The following GALNT13 variants were observed in gnomAD, a reference collection of about 807,000 sequenced individuals.
The protein encoded by GALNT13 is polypeptide N-acetylgalactosaminyltransferase 13.
A neutral mutation model predicts 64.2 loss-of-function variants in GALNT13; 28 were observed. The observed-to-expected ratio is 0.44, with a 90% CI of 0.32 to 0.60. The LOEUF (loss-of-function observed/expected upper bound fraction) is 0.60, where lower values mean the gene tolerates loss of function less well. GALNT13 is among the 20% of genes least tolerant of loss of function. The pLI is 0.05. For missense variants in GALNT13, 577 were observed against 669.8 expected (o/e 0.86, Z 1.53); for synonymous variants, 214 against 224.6 (o/e 0.95, Z 0.42).
intron 3 of GALNT13, among the ~76,000 whole-genome samples, chr2:153,959,867 T>C (rs1034680091): frequency 2.0e-5 from 3 of 152,108 alleles, no homozygotes; most frequent in Admixed American, 6.5e-5. Flanking sequence ...GGGAGAGGCC[T>C]GTACAGGCAG....
At chr2:153,980,245 G>A (rs1694370581) in intron 3 of GALNT13, among the ~76,000 whole-genome samples, 2 of 152,160 alleles carry the variant, frequency 1.3e-5, no homozygotes, top group South Asian at 4.1e-4. Flanking sequence ...TCTAAAAGCA[G>A]TGGAGCACCA....
chr2:153,958,465 TTGG>T (rs1463393180), intron 3 of GALNT13, among the ~76,000 whole-genome samples: 1 of 152,202 alleles, frequency 6.6e-6, no homozygotes, highest in Non-Finnish European at 1.5e-5. Context: ...GCCAAATGTG[TTGG>T]TTTGCCACTT....
the GALNT13 span, among the ~76,000 whole-genome samples, chr2:153,713,161 A>G: frequency 6.6e-6 from 1 of 152,214 alleles, no homozygotes; most frequent in Non-Finnish European, 1.5e-5. Context: ...ATTAGCTGGT[A>G]TAGTAATATT....
chr2:154,189,464 G>T (rs1308695502), intron 4 of GALNT13, among the ~76,000 whole-genome samples: 1 of 120,530 alleles, frequency 8.3e-6, no homozygotes, highest in Admixed American at 9.6e-5. Context: ...CTCTTCTCAC[G>T]TGCACACCAA....
intron 1 of GALNT13, among the ~76,000 whole-genome samples, chr2:153,889,170 G>A (rs937750188): frequency 4.6e-5 from 7 of 151,658 alleles, no homozygotes; most frequent in African/African-American, 1.7e-4. Flanking sequence ...TCTTGGCCTT[G>A]GACACCACTA....
At chr2:153,630,808 T>TATATTTATTTA in the GALNT13 span, among the ~76,000 whole-genome samples, 99 of 16,876 alleles carry the variant, frequency 5.9e-3, no homozygotes, top group Non-Finnish European at 7.8e-3. Flanking sequence ...TATATATATA[T>TATATTTATTTA]TTTTTTTTTT....
chr2:153,600,268 CA>C, the GALNT13 span, among the ~76,000 whole-genome samples: 1 of 151,700 alleles, frequency 6.6e-6, no homozygotes. Flanking sequence ...TCATGCTATC[CA>C]AAAATGGTAT....
chr2:153,647,803 C>A, the GALNT13 span, among the ~76,000 whole-genome samples: 4 of 152,154 alleles, frequency 2.6e-5, no homozygotes, highest in African/African-American at 7.2e-5. Context: ...TCTGAGGGCT[C>A]TGTTCTGTTC....
At chr2:153,775,759 ACAT>A in the GALNT13 span, among the ~76,000 whole-genome samples, 1 of 152,284 alleles carries the variant, frequency 6.6e-6, no homozygotes, top group African/African-American at 2.4e-5. Flanking sequence ...AGCAAGAATC[ACAT>A]CATCTTTCTA....
chr2:153,434,833 A>G, the GALNT13 span, among the ~76,000 whole-genome samples: 5 of 152,050 alleles, frequency 3.3e-5, no homozygotes, highest in Non-Finnish European at 5.9e-5. Flanking sequence ...CTTTAGTTTA[A>G]TTAGATCCCA....
At chr2:154,293,286 T>G (rs1166085117) in intron 8 of GALNT13, among the ~76,000 whole-genome samples, 1 of 152,172 alleles carries the variant, frequency 6.6e-6, no homozygotes, top group Admixed American at 6.5e-5. Context: ...GGGAATAAAA[T>G]GCGGTATTCT....
chr2:153,856,168 T>G, the GALNT13 span, among the ~76,000 whole-genome samples: 10 of 152,134 alleles, frequency 6.6e-5, no homozygotes, highest in Admixed American at 5.9e-4. Context: ...CACAGCTCTT[T>G]GAATATATTA....
chr2:153,608,993 T>C, the GALNT13 span, among the ~76,000 whole-genome samples: 1 of 150,828 alleles, frequency 6.6e-6, no homozygotes, highest in Non-Finnish European at 1.5e-5. Flanking sequence ...CTTGTCTCAC[T>C]GCAACTTCCG....
chr2:153,700,890 T>A, the GALNT13 span, among the ~76,000 whole-genome samples: 1 of 152,094 alleles, frequency 6.6e-6, no homozygotes, highest in Non-Finnish European at 1.5e-5. Context: ...GTAGGAAGAA[T>A]CAATATTGTG....
chr2:154,444,743 A>T (rs1466197827), intron 12 of GALNT13, among the ~76,000 whole-genome samples: 1 of 152,154 alleles, frequency 6.6e-6, no homozygotes, highest in Non-Finnish European at 1.5e-5. Flanking sequence ...ATCTCTGAAT[A>T]TCAATATATT....
chr2:153,240,963 C>G, the GALNT13 span, among the ~76,000 whole-genome samples: 1 of 152,068 alleles, frequency 6.6e-6, no homozygotes, highest in African/African-American at 2.4e-5. Flanking sequence ...ATTCAGGAGA[C>G]TTTTCCTCAA....
chr2:153,198,277 A>G, the GALNT13 span, among the ~76,000 whole-genome samples: 50 of 152,258 alleles, frequency 3.3e-4, no homozygotes, highest in African/African-American at 1.2e-3. Context: ...TGCAGATTCC[A>G]GGCAGCTCCC....
At chr2:153,420,996 G>T in the GALNT13 span, 13 of 171,918 alleles carry the variant, frequency 7.6e-5, no homozygotes, top group South Asian at 1.5e-3. Flanking sequence ...AAACTGGATG[G>T]TGCATTTGGT....
At chr2:153,313,259 G>GCAA in the GALNT13 span, among the ~76,000 whole-genome samples, 4 of 152,190 alleles carry the variant, frequency 2.6e-5, no homozygotes, top group East Asian at 7.7e-4. Flanking sequence ...TATGTTTATT[G>GCAA]CAACACTATT....
Sources: allele counts gnomAD v4.1 joint callset (sites outside exome capture counted in the v4.1 genomes callset), GRCh38; gene constraint gnomAD v4.1.1; transcripts MANE v1.5; gene names NCBI Gene and HGNC (gene_info 2026-07-23, HGNC 2026-07-21).